Variants in GLDC observed in about 807,000 individuals in gnomAD.
The protein encoded by GLDC is glycine dehydrogenase (decarboxylating), mitochondrial.
A neutral mutation model predicts 121.3 loss-of-function variants in GLDC; 104 were observed. The observed-to-expected ratio is 0.86, with a 90% CI of 0.73 to 1.01. The LOEUF (loss-of-function observed/expected upper bound fraction) is 1.01. Among genes scored for constraint, GLDC ranks in the 50% least tolerant of loss-of-function variants. The pLI is 0.00. For missense variants in GLDC, 1,429 were observed against 1,306.6 expected (o/e 1.09, Z -1.44); for synonymous variants, 546 against 480.6 (o/e 1.14, Z -1.78).
At chr9:6,601,150 G>A (rs1479150467) in intron 8 of GLDC, among the ~76,000 whole-genome samples, 2 of 152,122 alleles carry the variant, frequency 1.3e-5, no homozygotes, top group Non-Finnish European at 2.9e-5. Flanking sequence ...TCCAGCCTGG[G>A]CGACAGAGTA....
chr9:6,553,000 T>C (rs1817547648), intron 20 of GLDC, among the ~76,000 whole-genome samples: 1 of 151,828 alleles, frequency 6.6e-6, no homozygotes, highest in Admixed American at 6.6e-5. Flanking sequence ...AATTAGTACA[T>C]GCACTGCTTT....
At chr9:6,629,953 A>G (rs1002476476) in intron 2 of GLDC, among the ~76,000 whole-genome samples, 2 of 71,756 alleles carry the variant, frequency 2.8e-5, no homozygotes, top group Non-Finnish European at 5.4e-5. Context: ...ATGTATATAT[A>G]TATATTTTTT....
At chr9:6,605,922 A>G (rs562683138) in intron 5 of GLDC, 1 of 161,190 alleles carries the variant, frequency 6.2e-6, no homozygotes, top group African/African-American at 2.4e-5. Flanking sequence ...TACACACAAA[A>G]TCTTAACAGT....
intron 3 of GLDC, among the ~76,000 whole-genome samples, chr9:6,618,977 A>C (rs1179242669): frequency 1.3e-5 from 2 of 151,804 alleles, no homozygotes; most frequent in Non-Finnish European, 2.9e-5. Context: ...CCCCGTCTCT[A>C]CTAAAAATGC....
intron 1 of GLDC, 69 bp from the exon 2 acceptor site, chr9:6,644,761 T>C: frequency 9.4e-7 from 1 of 1,066,122 alleles, no homozygotes; most frequent in Admixed American, 1.7e-5. Context: ...GTTTTGCGAC[T>C]ACAAAGCCTT....
intron 23 of GLDC, 103 bp from the exon 24 acceptor site, chr9:6,534,891 G>A: frequency 1.4e-6 from 1 of 719,746 alleles, no homozygotes; most frequent in Non-Finnish European, 2.6e-6. Context: ...CCCAGGCAGA[G>A]AAAGCTGTTG....
chr9:6,635,141 A>C (rs749004708), intron 2 of GLDC, among the ~76,000 whole-genome samples: 5 of 152,204 alleles, frequency 3.3e-5, no homozygotes, highest in Non-Finnish European at 7.3e-5. Flanking sequence ...CCATCAAACT[A>C]TTCAATATCT....
chr9:6,630,703 G>A (rs536179725), intron 2 of GLDC, among the ~76,000 whole-genome samples: 3 of 152,174 alleles, frequency 2.0e-5, no homozygotes, highest in Non-Finnish European at 4.4e-5. Flanking sequence ...ACCATGGGGT[G>A]GGGCTGGGGT....
chr9:6,550,835 G>C lies in GLDC; in HGVS notation c.2537C>G (p.Thr846Arg). The C allele has an allele frequency of 6.2e-7, 1 of 1,613,130 alleles. No homozygotes were observed. The highest frequency in any genetic ancestry group is 8.5e-7 in the Non-Finnish European group (1 of 1,179,076). Residue 846 changes from threonine to arginine, a missense_variant, in exon 21 of 25, where the codon ACA becomes AGA. Thr to Arg is a moderately conservative substitution (Grantham distance 71). Coordinates refer to ENST00000321612, the MANE Select transcript of GLDC (RefSeq NM_000170.3). Reference sequence around the variant, plus strand: ...ACCCCTGAAAAGAATTCTGTAGTGTGTTTCTAATCGCTTGGCCATGTAGTT... The same window carrying C: ...ACCCCTGAAAAGAATTCTGTAGTGTCTTTCTAATCGCTTGGCCATGTAGTT... ...NANYMAKRLE[T>R]HYRILFRGAR...
intron 2 of GLDC, among the ~76,000 whole-genome samples, chr9:6,629,958 T>TATATATATATATGTGTATATATA: frequency 2.5e-5 from 2 of 78,658 alleles, no homozygotes; most frequent in South Asian, 4.3e-4. Context: ...TATATATATA[T>TATATATATATATGTGTATATATA]TTTTTTTTTT....
rs41303229 is a variant in GLDC at position 6,604,444 on chromosome 9, T to C, written c.1058+144A>G. On this transcript the variant is annotated intron_variant, in intron 7 of 24. Transcript: ENST00000321612. Reference sequence around the variant, plus strand: ...GTACTAGCTCATATCCCAAACAGAATTGTTCTTCTGAATCTATGTTGTACA... The same window carrying C: ...GTACTAGCTCATATCCCAAACAGAACTGTTCTTCTGAATCTATGTTGTACA... The C allele has an allele frequency of 7.5e-6, 6 of 800,130 alleles. No individual in the cohort carries two copies. Among genetic ancestry groups the C allele is most frequent in the South Asian group, 6.5e-5 (4 of 61,530 alleles). The allele number at this position is 800,130 out of a possible 1,614,324, so 49.6% of individuals were successfully genotyped here. A position where few individuals can be genotyped will look rare whatever the true frequency, so the allele number is the denominator to read the frequency against.
chr9:6,548,729 G>T (rs534520908), intron 21 of GLDC, among the ~76,000 whole-genome samples: 1 of 152,234 alleles, frequency 6.6e-6, no homozygotes, highest in East Asian at 1.9e-4. Flanking sequence ...TAAGCTCCAG[G>T]TCCTGGTCTC....
chr9:6,602,348 A>C, intron 7 of GLDC, 143 bp from the exon 8 acceptor site: 1 of 689,334 alleles, frequency 1.5e-6, no homozygotes, highest in South Asian at 1.5e-5. Flanking sequence ...AACAATTTCT[A>C]AACGTTCCTC....
At chr9:6,644,029 C>CAAAA (rs531081758) in intron 2 of GLDC, among the ~76,000 whole-genome samples, 5 of 18,320 alleles carry the variant, frequency 2.7e-4, no homozygotes, top group African/African-American at 4.3e-4. Context: ...GATTCTGTCT[C>CAAAA]AAAAAAAAAA....
intron 2 of GLDC, among the ~76,000 whole-genome samples, chr9:6,634,390 A>C (rs575692469): frequency 1.3e-5 from 2 of 151,936 alleles, no homozygotes; most frequent in Admixed American, 6.6e-5. Context: ...GTAGCCGGGC[A>C]TGGTAGCTCA....
chr9:6,604,909 G>T, intron 6 of GLDC, 125 bp from the exon 7 acceptor site: 1 of 909,806 alleles, frequency 1.1e-6, no homozygotes, highest in Non-Finnish European at 1.8e-6. Flanking sequence ...GAACTCCATT[G>T]CTCATTCATT....
At chr9:6,596,263 T>C (rs1818492548) in intron 8 of GLDC, among the ~76,000 whole-genome samples, 1 of 152,230 alleles carries the variant, frequency 6.6e-6, no homozygotes, top group East Asian at 1.9e-4. Flanking sequence ...TGTCCCTTTT[T>C]AATCTACAGA....
At chr9:6,642,902 T>A (rs962005139) in intron 2 of GLDC, among the ~76,000 whole-genome samples, 2 of 140,446 alleles carry the variant, frequency 1.4e-5, no homozygotes, top group Non-Finnish European at 3.1e-5. Flanking sequence ...CTTTTCTTCC[T>A]TTCTCTTTTT....
chr9:6,553,820 A>C (rs960766885), intron 19 of GLDC, among the ~76,000 whole-genome samples: 1 of 151,496 alleles, frequency 6.6e-6, no homozygotes, highest in Admixed American at 6.6e-5. Context: ...CCATTCCCTC[A>C]CCCCTATACA....
Sources: allele counts gnomAD v4.1 joint callset (sites outside exome capture counted in the v4.1 genomes callset), GRCh38; gene constraint gnomAD v4.1.1; transcripts MANE v1.5; gene names NCBI Gene and HGNC (gene_info 2026-07-23, HGNC 2026-07-21).